The following SAMD12 variants were observed in gnomAD, a reference collection of about 807,000 sequenced individuals.
SAMD12 encodes sterile alpha motif domain-containing protein 12.
A neutral mutation model predicts 15.0 loss-of-function variants in SAMD12; 9 were observed. The observed-to-expected ratio is 0.60, with a 90% CI of 0.36 to 1.05. SAMD12 has a LOEUF of 1.05. Ranked by LOEUF, SAMD12 falls within the 50% of genes least tolerant of loss-of-function variation. SAMD12 has a pLI of 0.01. For synonymous variants in SAMD12, 86 were observed against 90.1 expected, an observed-to-expected ratio of 0.96 and a Z score of 0.25; for missense variants, 230 against 234.2, an observed-to-expected ratio of 0.98 and a Z score of 0.12.
intron 1 of SAMD12, among the ~76,000 whole-genome samples, chr8:118,585,530 GGAAA>G (rs1211833337): frequency 6.6e-6 from 1 of 151,582 alleles, no homozygotes; most frequent in Non-Finnish European, 1.5e-5. Flanking sequence ...CTCCATAAAT[GGAAA>G]GAGAGGTTCC....
intron 2 of SAMD12, among the ~76,000 whole-genome samples, chr8:118,542,274 A>G (rs529000637): frequency 9.8e-5 from 15 of 152,336 alleles, no homozygotes; most frequent in African/African-American, 3.4e-4. Context: ...ATCTGTGAAG[A>G]TAACTAGATC....
chr8:118,481,195 TC>T (rs35629495), intron 2 of SAMD12, among the ~76,000 whole-genome samples: 19,645 of 152,166 alleles, frequency 0.13, 1,409 homozygotes, highest in East Asian at 0.27. Flanking sequence ...CCTCAAGTGA[TC>T]CGCCTGCCTT....
chr8:118,168,780 G>A, the SAMD12 span, among the ~76,000 whole-genome samples: 5 of 152,052 alleles, frequency 3.3e-5, no homozygotes, highest in Admixed American at 2.6e-4. Context: ...CTTTCTGACT[G>A]TAATGTCAGA....
At chr8:118,451,456 A>G (rs751530846) in intron 2 of SAMD12, among the ~76,000 whole-genome samples, 1 of 152,176 alleles carries the variant, frequency 6.6e-6, no homozygotes, top group Non-Finnish European at 1.5e-5. Flanking sequence ...GCACTATACA[A>G]TAGGGCAATG....
intron 1 of SAMD12, among the ~76,000 whole-genome samples, chr8:118,606,615 G>A (rs2131307929): frequency 6.6e-6 from 1 of 151,972 alleles, no homozygotes; most frequent in East Asian, 1.9e-4. Flanking sequence ...AACATCCCTG[G>A]CCAGGCAAAG....
Position 118,235,445 on chromosome 8 carries a change from G to A in SAMD12, c.434-37713C>T, listed in dbSNP as rs559651073. Among the ~76,000 whole-genome samples, 4 of 152,212 alleles carry A rather than the reference G, an allele frequency of 2.6e-5. No homozygotes were observed. In the South Asian group the frequency reaches 8.3e-4, roughly 32 times the overall value. On this transcript the variant is annotated intron_variant, in intron 4 of 4. Coordinates refer to the SAMD12 transcript ENST00000409003. Reference sequence around the variant, plus strand: ...AGGATGGTCTCGATCTCTTGACCTTGTGATCCGCCCACCTTGGCCTCCCAA... The same window carrying A: ...AGGATGGTCTCGATCTCTTGACCTTATGATCCGCCCACCTTGGCCTCCCAA...
the SAMD12 span, among the ~76,000 whole-genome samples, chr8:118,140,725 A>G: frequency 1.3e-5 from 2 of 152,144 alleles, no homozygotes; most frequent in Admixed American, 6.5e-5. Context: ...CCTCTTTTGC[A>G]GTTTGGTTGG....
chr8:118,248,801 C>T (rs1463363914), intron 4 of SAMD12, among the ~76,000 whole-genome samples: 2 of 152,144 alleles, frequency 1.3e-5, no homozygotes, highest in African/African-American at 4.8e-5. Flanking sequence ...ACTCAACTCT[C>T]TAAAACAAAT....
In SAMD12 at chr8:118,468,830, C is replaced by T. The variant is rs552791709; in HGVS notation, c.193-28869G>A. Among the ~76,000 whole-genome samples the T allele has an allele frequency of 9.3e-4, 141 of 152,282 alleles. 1 individual carries two copies. Among genetic ancestry groups the T allele is most frequent in the Non-Finnish European group, 1.6e-3 (111 of 68,014 alleles). On this transcript the variant is annotated intron_variant, in intron 2 of 3. Coordinates refer to ENST00000314727, the MANE Select transcript of SAMD12 (RefSeq NM_207506.3). ...GTGCAGAGAAGGGAGGTACAAAAAG[C>T]AATTGCCAAGCTAAGGAGATATAGC...
rs189561761 is a variant in SAMD12, at chr8:118,337,325, C to T, written c.433+42235G>A. 1.5e-3 allele frequency among the ~76,000 whole-genome samples: 222 copies of T among 152,206 alleles called. 1 individual carries two copies. The highest frequency in any genetic ancestry group is 4.3e-3 in the African/African-American group (178 of 41,518). The stretch of plus-strand genomic sequence containing the variant: ...AGCTCAGCTTTTGCACATCACTGTC[C>T]CTGTACATGCCCTGGGTTTTAAGGT... On this transcript the variant is annotated intron_variant, in intron 4 of 4. Coordinates refer to the SAMD12 transcript ENST00000409003.
At chr8:118,308,656 A>C (rs1815465859) in intron 4 of SAMD12, among the ~76,000 whole-genome samples, 1 of 152,194 alleles carries the variant, frequency 6.6e-6, no homozygotes, top group Non-Finnish European at 1.5e-5. Flanking sequence ...CTTATTTTTC[A>C]GGCTTGAATC....
chr8:118,333,901 G>A (rs1385804227), intron 4 of SAMD12, among the ~76,000 whole-genome samples: 2 of 143,054 alleles, frequency 1.4e-5, no homozygotes, highest in Admixed American at 7.0e-5. Flanking sequence ...ATATGTGTGT[G>A]TGTGTGTGCA....
chr8:118,567,429 G>A (rs550804413), intron 2 of SAMD12, among the ~76,000 whole-genome samples: 37 of 152,184 alleles, frequency 2.4e-4, no homozygotes, highest in Admixed American at 5.9e-4. Context: ...CAATGTGTAG[G>A]GTTAATCCTT....
At chr8:118,422,312 A>G (rs1414285268) in intron 3 of SAMD12, among the ~76,000 whole-genome samples, 1 of 152,232 alleles carries the variant, frequency 6.6e-6, no homozygotes, top group Non-Finnish European at 1.5e-5. Flanking sequence ...ATGGAACCAA[A>G]TAACTTTAAT....
chr8:118,583,376 A>T (rs954277271), intron 1 of SAMD12, among the ~76,000 whole-genome samples: 1 of 152,204 alleles, frequency 6.6e-6, no homozygotes, highest in African/African-American at 2.4e-5. Context: ...AATTAAATAC[A>T]TCAAAGTTGT....
intron 1 of SAMD12, among the ~76,000 whole-genome samples, chr8:118,610,911 T>C (rs1828093177): frequency 6.6e-6 from 1 of 152,178 alleles, no homozygotes; most frequent in African/African-American, 2.4e-5. Flanking sequence ...CCTAGATCAG[T>C]CAGGGTCTCC....
intron 4 of SAMD12, among the ~76,000 whole-genome samples, chr8:118,209,393 G>A (rs1243546740): frequency 6.6e-6 from 1 of 152,182 alleles, no homozygotes; most frequent in Non-Finnish European, 1.5e-5. Context: ...CCCTGGGCTG[G>A]TGGGTACTAA....
At chr8:118,190,972 T>C (rs1382983596) in exon 5 of SAMD12, 1 of 152,222 alleles carries the variant, frequency 6.6e-6, no homozygotes, top group Non-Finnish European at 1.5e-5. Context: ...CTGTTAATAT[T>C]AAATTTTGTT....
intron 4 of SAMD12, among the ~76,000 whole-genome samples, chr8:118,241,297 A>G (rs1812557335): frequency 6.6e-6 from 1 of 152,068 alleles, no homozygotes; most frequent in South Asian, 2.1e-4. Flanking sequence ...AAAATGGCTT[A>G]CCTTGAAAAC....
Sources: gnomAD v4.1 joint callset for allele counts (sites outside exome capture counted in the v4.1 genomes callset) on GRCh38, gnomAD v4.1.1 for gene constraint, MANE v1.5 for transcripts, NCBI Gene and HGNC (gene_info 2026-07-23, HGNC 2026-07-21) for gene names.